Variants in THADA observed in about 807,000 individuals in gnomAD.
THADA encodes tRNA (32-2'-O)-methyltransferase regulator THADA.
Under a neutral mutation model 219.8 loss-of-function variants are expected in THADA, and 213 were observed. The ratio of observed to expected loss-of-function variants is 0.97; its 90% CI spans 0.87 to 1.09. The LOEUF (loss-of-function observed/expected upper bound fraction) is 1.09. Among genes scored for constraint, THADA ranks in the 50% least tolerant of loss-of-function variants. The pLI is 0.00. For synonymous variants in THADA, 1,018 were observed against 828.9 expected, an observed-to-expected ratio of 1.23 and a Z score of -3.92; for missense variants, 2,956 against 2,311.3, an observed-to-expected ratio of 1.28 and a Z score of -5.72.
chr2:43,385,709 T>C (rs548763875), intron 29 of THADA, among the ~76,000 whole-genome samples: 9 of 152,106 alleles, frequency 5.9e-5, no homozygotes, highest in Non-Finnish European at 8.8e-5. Context: ...CTAAAGATTT[T>C]TTTAAAGGCT....
intron 37 of THADA, among the ~76,000 whole-genome samples, chr2:43,232,264 C>T (rs1162260789): frequency 4.0e-5 from 6 of 151,840 alleles, no homozygotes; most frequent in Middle Eastern, 3.2e-3. Context: ...CTGCAACCTC[C>T]GCCTCCCAGG....
intron 21 of THADA, among the ~76,000 whole-genome samples, chr2:43,534,528 C>G (rs1028799840): frequency 5.9e-5 from 9 of 152,168 alleles, no homozygotes; most frequent in African/African-American, 2.2e-4. Context: ...CTAATTTTTA[C>G]TTCGAGTTCA....
chr2:43,522,560 T>C (rs1692631830), intron 22 of THADA, among the ~76,000 whole-genome samples: 1 of 152,212 alleles, frequency 6.6e-6, no homozygotes, highest in Non-Finnish European at 1.5e-5. Context: ...AAAAAAATTC[T>C]AAAACTTTAC....
intron 21 of THADA, among the ~76,000 whole-genome samples, chr2:43,533,960 C>A (rs1694228241): frequency 6.6e-6 from 1 of 152,034 alleles, no homozygotes; most frequent in Admixed American, 6.5e-5. Context: ...GACATATAAT[C>A]TACAAATAAT....
At chr2:43,572,398 C>T (rs1023018667) in intron 12 of THADA, among the ~76,000 whole-genome samples, 1 of 152,202 alleles carries the variant, frequency 6.6e-6, no homozygotes, top group African/African-American at 2.4e-5. Context: ...CTTAATCATC[C>T]TCCAGACCTT....
chr2:43,437,804 A>G (rs1680311017), intron 26 of THADA, among the ~76,000 whole-genome samples: 1 of 152,210 alleles, frequency 6.6e-6, no homozygotes, highest in African/African-American at 2.4e-5. Flanking sequence ...TTTTTAAATT[A>G]AAAATAAAAA....
chr2:43,558,278 A>T (rs1330534914), intron 16 of THADA, among the ~76,000 whole-genome samples: 1 of 152,162 alleles, frequency 6.6e-6, no homozygotes, highest in African/African-American at 2.4e-5. Context: ...TCAGGTTAGC[A>T]TTCAAAAACT....
chr2:43,564,238 G>A (rs781268699), intron 15 of THADA: 1 of 152,240 alleles, frequency 6.6e-6, no homozygotes, highest in Non-Finnish European at 1.5e-5. Context: ...TTCACTGGAT[G>A]CTGTAACAAA....
At chr2:43,548,394 A>C (rs1265226187) in intron 20 of THADA, among the ~76,000 whole-genome samples, 1 of 152,200 alleles carries the variant, frequency 6.6e-6, no homozygotes, top group African/African-American at 2.4e-5. Context: ...TGCTCTCTTC[A>C]AAGCTGTCAG....
At chr2:43,587,405 T>C (rs527840266) in intron 4 of THADA, among the ~76,000 whole-genome samples, 3 of 152,320 alleles carry the variant, frequency 2.0e-5, no homozygotes, top group South Asian at 2.1e-4. Flanking sequence ...TTTTTTCTTT[T>C]CTTGATTTTT....
At chr2:43,354,214 C>T (rs1668614766) in intron 29 of THADA, among the ~76,000 whole-genome samples, 1 of 151,948 alleles carries the variant, frequency 6.6e-6, no homozygotes, top group South Asian at 2.1e-4. Flanking sequence ...CCTTGGCCTC[C>T]CAAAGTGTTG....
At chr2:43,419,089 G>A (rs1677373905) in intron 28 of THADA, among the ~76,000 whole-genome samples, 1 of 152,168 alleles carries the variant, frequency 6.6e-6, no homozygotes, top group Non-Finnish European at 1.5e-5. Flanking sequence ...TCCATGGACA[G>A]AACCCACACC....
intron 14 of THADA, among the ~76,000 whole-genome samples, chr2:43,569,721 G>A (rs567504557): frequency 1.6e-3 from 146 of 91,226 alleles, no homozygotes; most frequent in African/African-American, 0.01. Context: ...AAAATAAATA[G>A]GTAAGCTGTC....
chr2:43,480,404 G>A (rs1047109047), intron 26 of THADA, among the ~76,000 whole-genome samples: 3 of 152,174 alleles, frequency 2.0e-5, no homozygotes, highest in African/African-American at 7.2e-5. Context: ...GAGTCCCCTA[G>A]GGCAGAGAGT....
intron 29 of THADA, among the ~76,000 whole-genome samples, chr2:43,355,225 G>A (rs1668746265): frequency 1.3e-5 from 2 of 152,144 alleles, no homozygotes; most frequent in African/African-American, 4.8e-5. Flanking sequence ...TTGATATACT[G>A]ATTTCCTTCC....
chr2:43,334,178 G>A (rs532356001), intron 30 of THADA, among the ~76,000 whole-genome samples: 1 of 152,120 alleles, frequency 6.6e-6, no homozygotes, highest in Non-Finnish European at 1.5e-5. Context: ...GGTCCAGTAA[G>A]TAAGACAGAA....
At position 43,476,340 on chromosome 2, in the gene THADA, T is replaced by C. The variant is rs192126741; in HGVS notation, c.3836+8894A>G. ...ATGATGGCTGGAACTGAAGCCATCT[T>C]GCAACCATGAAGGAAGCTTGCCTGG... is the stretch of plus-strand genomic sequence containing the variant. On this transcript the variant is annotated intron_variant, in intron 26 of 37. Transcript: ENST00000405975. Among the ~76,000 whole-genome samples, 934 of 152,308 alleles carry C rather than the reference T, an allele frequency of 6.1e-3. 3 individuals are homozygous for C. Among genetic ancestry groups the C allele is most frequent in the South Asian group, 0.02 (98 of 4,820 alleles).
chr2:43,463,383 T>A (rs1683862639), intron 26 of THADA: 1 of 152,206 alleles, frequency 6.6e-6, no homozygotes, highest in Non-Finnish European at 1.5e-5. Context: ...ATAAAAGTGC[T>A]TCTAAAGCAG....
intron 26 of THADA, among the ~76,000 whole-genome samples, chr2:43,473,449 TACCCCCGAA>T (rs1685151373): frequency 6.6e-6 from 1 of 152,152 alleles, no homozygotes; most frequent in African/African-American, 2.4e-5. Flanking sequence ...CTCTTCTGGA[TACCCCCGAA>T]GGACCCGCCC....
Sources: allele counts gnomAD v4.1 joint callset (sites outside exome capture counted in the v4.1 genomes callset), GRCh38; gene constraint gnomAD v4.1.1; transcripts MANE v1.5; gene names NCBI Gene and HGNC (gene_info 2026-07-23, HGNC 2026-07-21).